LMBRD2: variants seen among roughly 807,000 people sequenced by gnomAD.
LMBRD2 encodes LMBR1 domain containing 2.
LMBRD2 carries 55 observed loss-of-function variants against 94.4 expected under a neutral mutation model. That is an observed-to-expected ratio of 0.58 (90% CI 0.47 to 0.73). The LOEUF (loss-of-function observed/expected upper bound fraction) is 0.73. Among genes scored for constraint, LMBRD2 ranks in the 30% least tolerant of loss-of-function variants. The pLI, the probability that LMBRD2 is intolerant of heterozygous loss-of-function variation, is 0.00. For missense variants in LMBRD2, 640 were observed against 831.9 expected, an observed-to-expected ratio of 0.77 and a Z score of 2.84; for synonymous variants, 246 against 272.4, an observed-to-expected ratio of 0.90 and a Z score of 0.95.
intron 5 of LMBRD2, 97 bp downstream of exon 5, chr5:36,137,177 A>T (rs562839205): frequency 3.5e-5 from 26 of 746,696 alleles, no homozygotes; most frequent in Non-Finnish European, 5.1e-5. Context: ...ATATTTCTCA[A>T]TGAAATGTCT....
At position 36,137,305 on chromosome 5, in the gene LMBRD2, C is replaced by T. The variant is rs1255750508; in HGVS notation, c.505G>A (p.Val169Ile). ...AAATGTAAATGTGGGTTTACAGCTA[C>T]ATAAATTAAAAATGCTCCAAAAATC... ...LLIFGAFLIY[V>I]AVNPHLHLEW... Residue 169 changes from valine (V) to isoleucine (I), a missense_variant, in exon 5 of 18, where the codon GTA (valine) becomes ATA (isoleucine). Coordinates refer to ENST00000296603, the MANE Select transcript of LMBRD2 (RefSeq NM_001007527.2). 1 of 1,601,096 alleles carries T rather than the reference C, an allele frequency of 6.2e-7. No individual in the cohort carries two copies. Among genetic ancestry groups the T allele is most frequent in the Non-Finnish European group, 8.5e-7 (1 of 1,170,910 alleles).
intron 9 of LMBRD2, among the ~76,000 whole-genome samples, chr5:36,120,798 C>A (rs1743872587): frequency 6.6e-6 from 1 of 152,058 alleles, no homozygotes; most frequent in Non-Finnish European, 1.5e-5. Flanking sequence ...ATATATGATC[C>A]TTAATCTATG....
chr5:36,110,614 T>C (rs16902743), intron 14 of LMBRD2, among the ~76,000 whole-genome samples: 4,952 of 152,118 alleles, frequency 0.033, 281 homozygotes, highest in African/African-American at 0.11. Flanking sequence ...GTAGGGAGAA[T>C]GTCTAAGAAC....
intron 6 of LMBRD2, among the ~76,000 whole-genome samples, chr5:36,131,730 A>G (rs2111890939): frequency 6.6e-6 from 1 of 152,270 alleles, no homozygotes. Context: ...CAATTGCTAT[A>G]ACACAAATAA....
In LMBRD2 at chr5:36,115,016, G is replaced by T. The variant is rs371238277; in HGVS notation, c.1541C>A (p.Ser514Tyr). The change falls in exon 12 of 18, where the codon TCT becomes TAT. Residue 514 changes from serine (S) to tyrosine (Y), a missense_variant and splice_region_variant. By Grantham distance (144) the Ser-to-Tyr change is moderately radical. Coordinates refer to ENST00000296603, the MANE Select transcript of LMBRD2 (RefSeq NM_001007527.2). ...ATTCTATTTTCTGACCGTACTTACA[G>T]ATGTATAAGCAGTTGGTTGAGTATT... ...HKNTQPTAYT[S>Y]IMGSMKVLSF... 16 of 1,558,512 alleles carry T rather than the reference G, an allele frequency of 1.0e-5. No individual in the cohort carries two copies. In the African/African-American group the frequency reaches 2.2e-4, roughly 21 times the overall value.
At chr5:36,117,499 G>GA (rs888297852) in intron 10 of LMBRD2, among the ~76,000 whole-genome samples, 36 of 148,748 alleles carry the variant, frequency 2.4e-4, no homozygotes, top group South Asian at 4.2e-4. Context: ...AAAACAGAAA[G>GA]AAAAAAAAAA....
At chr5:36,131,635 G>A (rs1328242958) in intron 6 of LMBRD2, among the ~76,000 whole-genome samples, 2 of 152,022 alleles carry the variant, frequency 1.3e-5, no homozygotes, top group African/African-American at 4.8e-5. Flanking sequence ...ATTCTGTAAA[G>A]CTGCAGTACA....
chr5:36,131,843 C>T (rs1198187519), intron 6 of LMBRD2, among the ~76,000 whole-genome samples: 1 of 152,040 alleles, frequency 6.6e-6, no homozygotes, highest in African/African-American at 2.4e-5. Context: ...AAAGGTATTC[C>T]ATTTTCATGG....
At chr5:36,149,855 C>T (rs891710140) in intron 1 of LMBRD2, among the ~76,000 whole-genome samples, 1 of 151,988 alleles carries the variant, frequency 6.6e-6, no homozygotes, top group Non-Finnish European at 1.5e-5. Context: ...TATGGTGAGC[C>T]GAGATTGCGC....
chr5:36,124,374 C>A, intron 6 of LMBRD2, 109 bp from the exon 7 acceptor site: 1 of 593,838 alleles, frequency 1.7e-6, no homozygotes, highest in African/African-American at 1.9e-5. Context: ...AACTTCAACA[C>A]AAATTACTTT....
At chr5:36,126,553 A>G (rs1165483705) in intron 6 of LMBRD2, among the ~76,000 whole-genome samples, 1 of 152,214 alleles carries the variant, frequency 6.6e-6, no homozygotes, top group Non-Finnish European at 1.5e-5. Context: ...TTCAGTGGAA[A>G]AAAGTAGCTG....
chr5:36,129,691 C>A (rs890726182), intron 6 of LMBRD2, among the ~76,000 whole-genome samples: 3 of 152,054 alleles, frequency 2.0e-5, no homozygotes, highest in Non-Finnish European at 4.4e-5. Flanking sequence ...TTGGTTATAG[C>A]AAGTACACAG....
rs141414177 is a variant in LMBRD2, at chr5:36,101,496, A to G, written c.*2550T>C. ...TAAAGTATATGTATTTAGTAGTCCT[A>G]TTTTGCAGTAGATGTCATTATATTT... On this transcript the variant is annotated 3_prime_UTR_variant, in exon 18 of 18. Coordinates refer to ENST00000296603, the MANE Select transcript of LMBRD2 (RefSeq NM_001007527.2). 3 of 152,058 alleles carry G rather than the reference A, an allele frequency of 2.0e-5. No homozygotes were observed. In the East Asian group the frequency reaches 5.8e-4, roughly 29 times the overall value. 9.4% of individuals were successfully genotyped at this position (152,058 alleles called of 1,614,324 possible).
intron 13 of LMBRD2, 72 bp downstream of exon 13, chr5:36,114,352 T>C: frequency 1.3e-6 from 2 of 1,485,412 alleles, no homozygotes; most frequent in East Asian, 2.6e-5. Context: ...TCAGTAAATA[T>C]TTAAAAGAGC....
At chr5:36,140,473 A>G (rs1161127820) in intron 4 of LMBRD2, among the ~76,000 whole-genome samples, 1 of 152,204 alleles carries the variant, frequency 6.6e-6, no homozygotes, top group Non-Finnish European at 1.5e-5. Flanking sequence ...CCAGCTGGCA[A>G]AACAACACCC....
At chr5:36,123,747 T>C (rs1239042764) in intron 7 of LMBRD2, among the ~76,000 whole-genome samples, 1 of 150,288 alleles carries the variant, frequency 6.7e-6, no homozygotes, top group African/African-American at 2.4e-5. Flanking sequence ...AAATATAGTA[T>C]AGTTTATTAA....
intron 7 of LMBRD2, 89 bp downstream of exon 7, chr5:36,124,102 T>A: frequency 1.5e-6 from 1 of 676,854 alleles, no homozygotes; most frequent in Admixed American, 2.9e-5. Context: ...ACCTCAGCTA[T>A]AGGCTGTTTT....
chr5:36,141,831 G>A (rs988725504), intron 3 of LMBRD2, among the ~76,000 whole-genome samples: 1 of 152,066 alleles, frequency 6.6e-6, no homozygotes, highest in African/African-American at 2.4e-5. Flanking sequence ...TGTAGCTGCT[G>A]CTGATCTTTA....
intron 1 of LMBRD2, among the ~76,000 whole-genome samples, chr5:36,145,106 T>G (rs1744506544): frequency 6.6e-6 from 1 of 152,218 alleles, no homozygotes; most frequent in Admixed American, 6.5e-5. Context: ...GACTTGACTA[T>G]TTTATTCCAT....
Sources: gnomAD v4.1 joint callset for allele counts (sites outside exome capture counted in the v4.1 genomes callset) on GRCh38, gnomAD v4.1.1 for gene constraint, MANE v1.5 for transcripts, NCBI Gene and HGNC (gene_info 2026-07-23, HGNC 2026-07-21) for gene names.